DNAH12: variants seen among roughly 807,000 people sequenced by gnomAD.
DNAH12 encodes dynein axonemal heavy chain 12.
In DNAH12, 285 loss-of-function variants were observed where a neutral mutation model predicts 371.5. The ratio of observed to expected loss-of-function variants is 0.77; its 90% confidence interval spans 0.70 to 0.85. DNAH12 has a LOEUF of 0.85. Among genes scored for constraint, DNAH12 ranks in the 40% least tolerant of loss-of-function variants. The pLI, the probability that DNAH12 is intolerant of heterozygous loss-of-function variation, is 0.00. For missense variants in DNAH12, 3,611 were observed against 3,689.4 expected, an observed-to-expected ratio of 0.98 and a Z score of 0.55; for synonymous variants, 1,200 against 1,213.0, an observed-to-expected ratio of 0.99 and a Z score of 0.22.
At chr3:57,327,152 G>A (rs369637247) in intron 62 of DNAH12, among the ~76,000 whole-genome samples, 8 of 152,106 alleles carry the variant, frequency 5.3e-5, no homozygotes, top group East Asian at 1.9e-4. Context: ...ACAGATCAAC[G>A]AGACAGAAAG....
intron 35 of DNAH12, 94 bp from the exon 36 acceptor site, chr3:57,421,800 C>T: frequency 7.3e-7 from 1 of 1,362,382 alleles, no homozygotes; most frequent in African/African-American, 1.5e-5. Context: ...AGGATATGCT[C>T]AACTTACTTG....
At chr3:57,501,180 T>G in intron 11 of DNAH12, 141 bp downstream of exon 11, 1 of 650,700 alleles carries the variant, frequency 1.5e-6, no homozygotes, top group Non-Finnish European at 2.5e-6. Context: ...ACTAAAGAAA[T>G]TGTAAGGTAA....
chr3:57,474,974 CA>C (rs34435525), intron 13 of DNAH12, among the ~76,000 whole-genome samples: 98,460 of 146,356 alleles, frequency 0.67, 32,920 homozygotes, highest in South Asian at 0.75. Context: ...GACTCTTTCT[CA>C]AAAAAAAAAA....
chr3:57,508,267 T>A, intron 7 of DNAH12, 115 bp downstream of exon 7: 1 of 1,040,376 alleles, frequency 9.6e-7, no homozygotes, highest in Non-Finnish European at 1.3e-6. Context: ...TTTTTTAAAC[T>A]CTAAAATCTA....
chr3:57,329,795 A>G (rs1453935355), intron 62 of DNAH12, among the ~76,000 whole-genome samples: 1 of 152,070 alleles, frequency 6.6e-6, no homozygotes, highest in African/African-American at 2.4e-5. Flanking sequence ...ATGGGAGAAA[A>G]TTTTCGCAAC....
chr3:57,300,117 G>T (rs572562650), intron 70 of DNAH12, among the ~76,000 whole-genome samples: 1 of 152,164 alleles, frequency 6.6e-6, no homozygotes, highest in African/African-American at 2.4e-5. Flanking sequence ...GTTCTTTGCA[G>T]ATAGCCTCTT....
intron 9 of DNAH12, 114 bp from the exon 10 acceptor site, chr3:57,502,593 A>G (rs946183022): frequency 1.1e-5 from 13 of 1,136,634 alleles, no homozygotes; most frequent in African/African-American, 9.4e-5. Context: ...TCTATCACCC[A>G]GGTTGGAGCG....
chr3:57,382,933 A>G (rs911557493), intron 49 of DNAH12, among the ~76,000 whole-genome samples: 2 of 152,206 alleles, frequency 1.3e-5, no homozygotes, highest in Non-Finnish European at 2.9e-5. Context: ...ACAACTATAT[A>G]TCTTAGTTTT....
At chr3:57,488,958 G>GTA (rs1261480356) in intron 12 of DNAH12, among the ~76,000 whole-genome samples, 1 of 151,982 alleles carries the variant, frequency 6.6e-6, no homozygotes, top group Non-Finnish European at 1.5e-5. Context: ...GTGTGTGTGT[G>GTA]TGCACGTGCG....
intron 9 of DNAH12, among the ~76,000 whole-genome samples, chr3:57,503,406 T>C (rs1409948827): frequency 6.6e-6 from 1 of 151,802 alleles, no homozygotes; most frequent in African/African-American, 2.4e-5. Flanking sequence ...TTTTTTTTTT[T>C]TGAGACGGAG....
intron 13 of DNAH12, among the ~76,000 whole-genome samples, chr3:57,477,071 G>A (rs1272088361): frequency 6.6e-6 from 1 of 152,128 alleles, no homozygotes; most frequent in East Asian, 1.9e-4. Context: ...GTGTCGGAAA[G>A]TAGGTGCAGG....
intron 64 of DNAH12, 77 bp from the exon 65 acceptor site, chr3:57,322,560 A>G: frequency 7.0e-7 from 1 of 1,421,756 alleles, no homozygotes; most frequent in African/African-American, 1.4e-5. Context: ...CGTGGATTAA[A>G]AAACAGGCAT....
At chr3:57,444,265 T>C (rs2065403631) in intron 29 of DNAH12, among the ~76,000 whole-genome samples, 1 of 151,780 alleles carries the variant, frequency 6.6e-6, no homozygotes, top group African/African-American at 2.4e-5. Context: ...ACAAAGAACA[T>C]TACTTTTTTT....
chr3:57,298,081 C>G (rs1303450918), intron 70 of DNAH12, among the ~76,000 whole-genome samples: 1 of 152,202 alleles, frequency 6.6e-6, no homozygotes, highest in East Asian at 1.9e-4. Context: ...TTGCTGGTCT[C>G]TTTGTGCTGG....
intron 32 of DNAH12, among the ~76,000 whole-genome samples, chr3:57,432,128 G>A (rs1414598951): frequency 6.9e-6 from 1 of 145,300 alleles, no homozygotes; most frequent in Non-Finnish European, 1.5e-5. Flanking sequence ...AAGAAGGAAT[G>A]TGAATGACTA....
chr3:57,432,336 ATTT>A (rs35536105), intron 32 of DNAH12, among the ~76,000 whole-genome samples: 3 of 137,800 alleles, frequency 2.2e-5, no homozygotes, highest in Non-Finnish European at 3.1e-5. Context: ...CACCCAGCTA[ATTT>A]TTTTTTTTTT....
chr3:57,342,499 A>AAC, intron 60 of DNAH12, among the ~76,000 whole-genome samples: 1 of 147,296 alleles, frequency 6.8e-6, no homozygotes. Flanking sequence ...AAAAAAAAAA[A>AAC]AAAAAAAAAT....
chr3:57,347,156 A>C (rs1396463680), intron 60 of DNAH12, among the ~76,000 whole-genome samples: 2 of 152,214 alleles, frequency 1.3e-5, no homozygotes, highest in Non-Finnish European at 2.9e-5. Context: ...GCAAGACATT[A>C]TAAGAAAGGA....
At chr3:57,461,313 T>TA (rs1457692643) in intron 19 of DNAH12, among the ~76,000 whole-genome samples, 176 bp downstream of exon 19, 4 of 152,180 alleles carry the variant, frequency 2.6e-5, no homozygotes, top group Non-Finnish European at 5.9e-5. Flanking sequence ...ATTTCTATAT[T>TA]AAATTTTGAA....
Sources: allele counts gnomAD v4.1 joint callset (sites outside exome capture counted in the v4.1 genomes callset), GRCh38; gene constraint gnomAD v4.1.1; transcripts MANE v1.5; gene names NCBI Gene and HGNC (gene_info 2026-07-23, HGNC 2026-07-21).